Variants in MTHFD2L observed in about 807,000 individuals in gnomAD.
The protein encoded by MTHFD2L is methylenetetrahydrofolate dehydrogenase (NADP+ dependent) 2 like.
MTHFD2L carries 29 observed loss-of-function variants against 34.9 expected under a neutral mutation model. That is an observed-to-expected ratio of 0.83 (90% CI 0.62 to 1.13). The LOEUF (loss-of-function observed/expected upper bound fraction) is 1.13, where lower values mean the gene tolerates loss of function less well. Ranked by LOEUF, MTHFD2L falls within the 50% of genes most tolerant of loss-of-function variation. The pLI is 0.00. For missense variants in MTHFD2L, 481 were observed against 446.5 expected (o/e 1.08, Z -0.70); for synonymous variants, 167 against 155.7 (o/e 1.07, Z -0.54).
Position 74,271,022 on chromosome 4 carries a change from G to T in MTHFD2L, c.806-10403G>T, listed in dbSNP as rs543066445. Among the ~76,000 whole-genome samples the T allele has an allele frequency of 9.9e-5, 15 of 152,150 alleles. No homozygotes were observed. The South Asian group carries it at 3.1e-3, about 32-fold the overall frequency. Reference sequence around the variant, plus strand: ...CGCCCACTTGTTGATGGGGTTGTTTGTTTTTTTCTTGTAAATTTGTCTGAG... The same window carrying T: ...CGCCCACTTGTTGATGGGGTTGTTTTTTTTTTTCTTGTAAATTTGTCTGAG... On this transcript the variant is annotated intron_variant, in intron 6 of 7. Coordinates refer to ENST00000325278, the MANE Select transcript of MTHFD2L (RefSeq NM_001144978.3).
chr4:74,176,200 A>G (rs998453086), intron 3 of MTHFD2L, among the ~76,000 whole-genome samples: 2 of 152,022 alleles, frequency 1.3e-5, no homozygotes, highest in African/African-American at 4.8e-5. Context: ...CTGGCTGCGT[A>G]ACTACGTCTC....
chr4:74,259,230 G>T (rs1744393832), intron 6 of MTHFD2L, among the ~76,000 whole-genome samples: 1 of 152,152 alleles, frequency 6.6e-6, no homozygotes, highest in African/African-American at 2.4e-5. Context: ...TATTACAGAA[G>T]TTCCTATTTA....
At chr4:74,226,999 G>A (rs1355582502) in intron 6 of MTHFD2L, among the ~76,000 whole-genome samples, 1 of 152,032 alleles carries the variant, frequency 6.6e-6, no homozygotes, top group African/African-American at 2.4e-5. Context: ...TCTTGTCCTG[G>A]CCATTCTCCA....
intron 1 of MTHFD2L, among the ~76,000 whole-genome samples, chr4:74,167,334 C>T (rs764985591): frequency 1.3e-4 from 20 of 152,206 alleles, no homozygotes; most frequent in Non-Finnish European, 2.1e-4. Context: ...CTGGAATAGG[C>T]GCCTACTTCT....
At chr4:74,181,351 A>G (rs1346812588) in intron 3 of MTHFD2L, among the ~76,000 whole-genome samples, 1 of 152,222 alleles carries the variant, frequency 6.6e-6, no homozygotes. Context: ...CCAACACTGT[A>G]CAGAAGTGCT....
chr4:74,208,394 C>T (rs1218733626), intron 5 of MTHFD2L, among the ~76,000 whole-genome samples: 3 of 152,046 alleles, frequency 2.0e-5, no homozygotes, highest in Non-Finnish European at 2.9e-5. Context: ...GGAAATTATA[C>T]ATTATTATCA....
intron 6 of MTHFD2L, among the ~76,000 whole-genome samples, chr4:74,227,962 T>C (rs1439113469): frequency 6.6e-6 from 1 of 152,202 alleles, no homozygotes. Flanking sequence ...TATCTGATTC[T>C]TCTATAGGCC....
In MTHFD2L at chr4:74,158,175, G is replaced by C. The variant is rs1329719441; in HGVS notation, c.37G>C (p.Gly13Arg). 4.6e-6 allele frequency: 7 copies of C among 1,526,666 alleles called. No homozygotes were observed. The highest frequency in any genetic ancestry group is 1.8e-4 in the Middle Eastern group (1 of 5,564). The allele number at this position is 1,526,666 out of a possible 1,614,324, so 94.6% of individuals were successfully genotyped here. A position where few individuals can be genotyped will look rare whatever the true frequency, so the allele number is the denominator to read the frequency against. Residue 13 changes from glycine (G) to arginine (R), a missense_variant, in exon 1 of 8, where the codon GGC becomes CGC. By Grantham distance (125) the Gly-to-Arg change is moderately radical (BLOSUM62 -2). Transcript: ENST00000325278. ...VPVRGFSLLR[G>R]RLGRAPALGR... ...GGTCCGCGGCTTCTCGCTGCTCCGC[G>C]GCCGCCTTGGCCGAGCGCCGGCGTT...
At chr4:74,279,655 A>T (rs1055185458) in intron 6 of MTHFD2L, among the ~76,000 whole-genome samples, 5 of 152,042 alleles carry the variant, frequency 3.3e-5, no homozygotes. Flanking sequence ...TGTAATAACT[A>T]TTTTATGAAT....
chr4:74,174,772 T>G (rs1169056886), intron 2 of MTHFD2L, 82 bp downstream of exon 2: 2 of 1,022,530 alleles, frequency 2.0e-6, no homozygotes, highest in East Asian at 2.9e-5. Flanking sequence ...GAATGATAAT[T>G]ATCAAATAAG....
At chr4:74,137,923 C>T (rs1206312158) in intron 1 of MTHFD2L, among the ~76,000 whole-genome samples, 1 of 151,660 alleles carries the variant, frequency 6.6e-6, no homozygotes, top group Non-Finnish European at 1.5e-5. Context: ...CATGAAGATA[C>T]AGATTGATGG....
intron 3 of MTHFD2L, among the ~76,000 whole-genome samples, chr4:74,182,040 A>G (rs1460265451): frequency 1.3e-5 from 2 of 151,966 alleles, no homozygotes; most frequent in Admixed American, 1.3e-4. Flanking sequence ...ATTTTTTTTT[A>G]TCATTCTGAA....
intron 1 of MTHFD2L, among the ~76,000 whole-genome samples, chr4:74,145,320 T>C (rs1483469191): frequency 6.6e-6 from 1 of 152,214 alleles, no homozygotes; most frequent in African/African-American, 2.4e-5. Flanking sequence ...ATTGATATTA[T>C]AAGTAATCTA....
At chr4:74,125,306 C>T (rs1363673897), upstream of MTHFD2L, 1 of 152,046 alleles carries the variant, frequency 6.6e-6, no homozygotes, top group Non-Finnish European at 1.5e-5. Flanking sequence ...CCTGCAGCTC[C>T]CAGAAAATTG....
intron 5 of MTHFD2L, among the ~76,000 whole-genome samples, chr4:74,219,181 A>G (rs1030095051): frequency 6.6e-6 from 1 of 152,150 alleles, no homozygotes; most frequent in African/African-American, 2.4e-5. Context: ...CCAGTGCGGC[A>G]GGTGCCCTGG....
At position 74,230,970 on chromosome 4, in the gene MTHFD2L, G is replaced by A. The variant is rs575349304; in HGVS notation, c.805+5576G>A. Among the ~76,000 whole-genome samples the A allele has an allele frequency of 2.6e-5, 4 of 152,182 alleles. No individual in the cohort carries two copies. In the East Asian group the frequency reaches 7.7e-4, roughly 29 times the overall value. On this transcript the variant is annotated intron_variant, in intron 6 of 7. Coordinates refer to ENST00000325278, the MANE Select transcript of MTHFD2L (RefSeq NM_001144978.3). ...CTATATTCAGGAAATGAGCTGCTGAGTCAATGCCACTTGCATGTCAAGCTC... is the reference window on the plus strand; with the variant it reads ...CTATATTCAGGAAATGAGCTGCTGAATCAATGCCACTTGCATGTCAAGCTC...
At chr4:74,167,895 T>A (rs1727077207) in intron 1 of MTHFD2L, among the ~76,000 whole-genome samples, 2 of 152,146 alleles carry the variant, frequency 1.3e-5, no homozygotes. Flanking sequence ...AGAGTCATGT[T>A]TGCCTTCTGT....
chr4:74,179,072 ACTT>A (rs1261474381), intron 3 of MTHFD2L, among the ~76,000 whole-genome samples: 1 of 151,986 alleles, frequency 6.6e-6, no homozygotes, highest in Non-Finnish European at 1.5e-5. Flanking sequence ...ATAAGAATTA[ACTT>A]CTTCATTTTA....
At chr4:74,116,796 T>C (rs945954958) in intron 2 of MTHFD2L, among the ~76,000 whole-genome samples, 3 of 152,236 alleles carry the variant, frequency 2.0e-5, no homozygotes, top group Non-Finnish European at 2.9e-5. Context: ...TCCTTGGCTT[T>C]GGTTCAAAGA....
Sources: gnomAD v4.1 joint callset for allele counts (sites outside exome capture counted in the v4.1 genomes callset) on GRCh38, gnomAD v4.1.1 for gene constraint, MANE v1.5 for transcripts, NCBI Gene and HGNC (gene_info 2026-07-23, HGNC 2026-07-21) for gene names.